The following PRKDC variants were observed in gnomAD, a reference collection of about 807,000 sequenced individuals.
PRKDC encodes protein kinase, DNA-activated, catalytic subunit.
A neutral mutation model predicts 486.9 loss-of-function variants in PRKDC; 82 were observed. The observed-to-expected ratio is 0.17, with a 90% CI of 0.14 to 0.20. The LOEUF (loss-of-function observed/expected upper bound fraction) is 0.20. Among genes scored for constraint, PRKDC ranks in the 10% least tolerant of loss-of-function variants. The pLI, the probability that PRKDC is intolerant of heterozygous loss-of-function variation, is 1.00. For missense variants in PRKDC, 4,504 were observed against 5,038.2 expected, an observed-to-expected ratio of 0.89 and a Z score of 3.21; for synonymous variants, 1,895 against 1,837.0, an observed-to-expected ratio of 1.03 and a Z score of -0.81.
chr8:47,955,674 T>C lies in PRKDC; in HGVS notation c.399+200A>G, dbSNP rs2090689525. On this transcript the variant is annotated intron_variant, in intron 4 of 85. Coordinates refer to ENST00000314191, the MANE Select transcript of PRKDC (RefSeq NM_006904.7). ...TCCTCACAACTCAGAATTCTTCTTT[T>C]ACTACCCAGAAGAGTCTGAAAACAA... Among the ~76,000 whole-genome samples the C allele has an allele frequency of 2.6e-5, 4 of 152,110 alleles. No individual in the cohort carries two copies. In the South Asian group the frequency reaches 8.3e-4, roughly 31 times the overall value.
chr8:47,848,101 T>A (rs1027071956), intron 54 of PRKDC, among the ~76,000 whole-genome samples: 1 of 151,932 alleles, frequency 6.6e-6, no homozygotes, highest in African/African-American at 2.4e-5. Flanking sequence ...GAAGTGAGAG[T>A]TGAACTATCA....
chr8:47,859,096 GTAA>G, intron 46 of PRKDC, 110 bp from the exon 47 acceptor site: 2 of 1,152,060 alleles, frequency 1.7e-6, no homozygotes, highest in South Asian at 2.8e-5. Flanking sequence ...AAACACTTAG[GTAA>G]TAATGATAAT....
At chr8:47,839,091 T>C in intron 56 of PRKDC, 57 bp downstream of exon 56, 1 of 1,343,232 alleles carries the variant, frequency 7.4e-7, no homozygotes, top group Non-Finnish European at 1.1e-6. Flanking sequence ...TACTCTATGC[T>C]ACCTTTGAAA....
intron 54 of PRKDC, among the ~76,000 whole-genome samples, chr8:47,847,180 G>C (rs1480403405): frequency 1.3e-5 from 2 of 152,100 alleles, no homozygotes; most frequent in Admixed American, 1.3e-4. Context: ...AGCCCGAATA[G>C]CCAAAACAAT....
intron 52 of PRKDC, among the ~76,000 whole-genome samples, chr8:47,849,923 T>C (rs990341578): frequency 1.3e-5 from 2 of 152,224 alleles, no homozygotes; most frequent in Admixed American, 1.3e-4. Flanking sequence ...TAAAAAATAT[T>C]CACATGGACT....
intron 12 of PRKDC, 41 bp downstream of exon 12, chr8:47,936,312 A>C (rs566322151): frequency 5.2e-6 from 8 of 1,551,500 alleles, no homozygotes; most frequent in Non-Finnish European, 7.0e-6. Context: ...GAAGAAATGA[A>C]GATTAAATAC....
At chr8:47,802,505 G>A (rs894765010) in intron 70 of PRKDC, among the ~76,000 whole-genome samples, 14 of 147,448 alleles carry the variant, frequency 9.5e-5, no homozygotes, top group African/African-American at 3.3e-4. Flanking sequence ...TTTGAGAGAC[G>A]GAGTTTTGCT....
rs566383990 is a variant in PRKDC, at chr8:47,893,170, G to A, written c.3816C>T (p.Gly1272=). Reference sequence around the variant, plus strand: ...CCTGGAGCGCTCCTACAGTTCTCTCGCCAATGAACGTGTTGTAGCACTCCA... The same window carrying A: ...CCTGGAGCGCTCCTACAGTTCTCTCACCAATGAACGTGTTGTAGCACTCCA... ...AALECYNTFI[G]ERTVGALQVL... The change falls in exon 31 of 86, where the codon GGC becomes GGT. Residue 1272 remains glycine, a synonymous_variant. Transcript: ENST00000314191. 1.6e-5 allele frequency: 25 copies of A among 1,611,828 alleles called. No individual in the cohort carries two copies. The highest frequency in any genetic ancestry group is 2.2e-5 in the East Asian group (1 of 44,852).
chr8:47,819,889 A>C (rs2087546134), intron 66 of PRKDC, among the ~76,000 whole-genome samples: 2 of 152,242 alleles, frequency 1.3e-5, no homozygotes. Flanking sequence ...ACATTAAATA[A>C]AAATGAAAAC....
intron 73 of PRKDC, among the ~76,000 whole-genome samples, chr8:47,794,972 T>A (rs1478786313): frequency 6.6e-6 from 1 of 152,174 alleles, no homozygotes; most frequent in African/African-American, 2.4e-5. Flanking sequence ...CACTGCAACC[T>A]CCGCCTCCTG....
chr8:47,849,052 A>AT, intron 54 of PRKDC, 102 bp downstream of exon 54: 2 of 1,400,126 alleles, frequency 1.4e-6, no homozygotes, highest in South Asian at 1.4e-5. Context: ...ACAAATGTGT[A>AT]TATCATGGAA....
At chr8:47,801,051 A>T in intron 70 of PRKDC, 65 bp from the exon 71 acceptor site, 1 of 1,438,374 alleles carries the variant, frequency 7.0e-7, no homozygotes, top group Admixed American at 1.9e-5. Context: ...AAAAAGAAGA[A>T]ATTCATTGTC....
chr8:47,789,353 G>T (rs2086847382), intron 74 of PRKDC, 115 bp from the exon 75 acceptor site: 4 of 281,622 alleles, frequency 1.4e-5, no homozygotes, highest in Non-Finnish European at 2.5e-5. Context: ...AATAATGTAT[G>T]TTATATATAA....
At chr8:47,898,605 G>T in intron 28 of PRKDC, 36 bp from the exon 29 acceptor site, 1 of 1,185,358 alleles carries the variant, frequency 8.4e-7, no homozygotes, top group South Asian at 3.2e-5. Flanking sequence ...TCCAAAGAAG[G>T]CATATATAGC....
At chr8:47,848,394 A>G (rs1417176619) in intron 54 of PRKDC, among the ~76,000 whole-genome samples, 1 of 152,218 alleles carries the variant, frequency 6.6e-6, no homozygotes, top group Non-Finnish European at 1.5e-5. Context: ...AGAAAAGCAA[A>G]TACTGCATGT....
intron 20 of PRKDC, 50 bp from the exon 21 acceptor site, chr8:47,927,403 T>C: frequency 6.5e-7 from 1 of 1,546,004 alleles, no homozygotes; most frequent in African/African-American, 1.4e-5. Context: ...AATATAAGAT[T>C]TAGAGGAAAA....
At chr8:47,936,643 A>G in intron 11 of PRKDC, 126 bp from the exon 12 acceptor site, 1 of 1,095,792 alleles carries the variant, frequency 9.1e-7, no homozygotes. Context: ...TTTTGAGACG[A>G]AGTTTCGCTC....
At chr8:47,873,336 A>G (rs774332407) in intron 40 of PRKDC, among the ~76,000 whole-genome samples, 2 of 152,114 alleles carry the variant, frequency 1.3e-5, no homozygotes, top group Non-Finnish European at 2.9e-5. Context: ...CTGGAGTTCA[A>G]GATAAGCCTG....
intron 69 of PRKDC, among the ~76,000 whole-genome samples, chr8:47,805,904 C>T (rs1000253030): frequency 6.6e-6 from 1 of 152,160 alleles, no homozygotes; most frequent in African/African-American, 2.4e-5. Flanking sequence ...TGTGGAGCTT[C>T]CTGGTCTTTC....
Sources: gnomAD v4.1 joint callset for allele counts (sites outside exome capture counted in the v4.1 genomes callset) on GRCh38, gnomAD v4.1.1 for gene constraint, MANE v1.5 for transcripts, NCBI Gene and HGNC (gene_info 2026-07-23, HGNC 2026-07-21) for gene names.